Variants in ADCY10 observed in about 807,000 individuals in gnomAD.
ADCY10 encodes the protein adenylate cyclase 10.
ADCY10 carries 156 observed loss-of-function variants against 183.3 expected under a neutral mutation model. The observed-to-expected ratio is 0.85, with a 90% confidence interval of 0.75 to 0.97. The LOEUF (loss-of-function observed/expected upper bound fraction) is 0.97. Among genes scored for constraint, ADCY10 ranks in the 50% least tolerant of loss-of-function variants. The pLI is 0.00. For synonymous variants in ADCY10, 645 were observed against 670.0 expected (o/e 0.96, Z 0.58); for missense variants, 1,745 against 1,934.3 (o/e 0.90, Z 1.84).
chr1:167,881,293 A>G (rs561782370), intron 9 of ADCY10, among the ~76,000 whole-genome samples: 52 of 152,368 alleles, frequency 3.4e-4, no homozygotes, highest in Middle Eastern at 6.8e-3. Flanking sequence ...GACCTCAGTC[A>G]GGTGCTGTTG....
chr1:167,847,973 A>C (rs964960148), intron 19 of ADCY10, among the ~76,000 whole-genome samples: 1 of 152,216 alleles, frequency 6.6e-6, no homozygotes, highest in Non-Finnish European at 1.5e-5. Flanking sequence ...CAAACAACCA[A>C]TGTTGCTGTT....
chr1:167,825,704 A>G (rs1232156399), intron 26 of ADCY10, among the ~76,000 whole-genome samples: 1 of 152,128 alleles, frequency 6.6e-6, no homozygotes, highest in African/African-American at 2.4e-5. Flanking sequence ...TGGGAGGATC[A>G]CTTGAGCAGG....
chr1:167,844,447 A>G (rs2101960338), intron 21 of ADCY10, among the ~76,000 whole-genome samples: 1 of 152,310 alleles, frequency 6.6e-6, no homozygotes, highest in Middle Eastern at 3.4e-3. Flanking sequence ...GTGTCTACGA[A>G]CTTCCTATCT....
intron 13 of ADCY10, among the ~76,000 whole-genome samples, chr1:167,872,907 T>C (rs1044696731): frequency 2.0e-5 from 3 of 151,348 alleles, no homozygotes; most frequent in Non-Finnish European, 4.4e-5. Context: ...CCGTCTCTAC[T>C]AAAAATACAA....
At chr1:167,858,560 T>C (rs1421565127) in intron 16 of ADCY10, among the ~76,000 whole-genome samples, 2 of 144,146 alleles carry the variant, frequency 1.4e-5, no homozygotes, top group African/African-American at 2.6e-5. Context: ...GAAACAGATA[T>C]ATAAGTAATG....
At chr1:167,862,085 G>A (rs150198598) in intron 14 of ADCY10, among the ~76,000 whole-genome samples, 138 of 152,234 alleles carry the variant, frequency 9.1e-4, no homozygotes, top group African/African-American at 3.1e-3. Flanking sequence ...TTATAGCAGC[G>A]TGAAAACGAC....
At chr1:167,909,914 G>T (rs1326498987) in intron 1 of ADCY10, among the ~76,000 whole-genome samples, 1 of 151,930 alleles carries the variant, frequency 6.6e-6, no homozygotes, top group Non-Finnish European at 1.5e-5. Context: ...TGAAGTCAGT[G>T]GCAAGACCAG....
chr1:167,868,510 T>G (rs909128954), intron 14 of ADCY10, among the ~76,000 whole-genome samples: 2 of 152,060 alleles, frequency 1.3e-5, no homozygotes, highest in Non-Finnish European at 2.9e-5. Context: ...ATTCAGTAAA[T>G]TTCCAAAGTT....
At position 167,818,165 on chromosome 1, in the gene ADCY10, T is replaced by A. The variant is rs61745242; in HGVS notation, c.4389A>T (p.Ile1463=). 2,190 of 1,614,190 alleles carry A rather than the reference T, an allele frequency of 1.4e-3. 28 individuals carry two copies. The African/African-American group carries it at 0.026, about 19-fold the overall frequency. ...GAACTTGCCCCTCCATGTACCTAGA[T>A]ATTCCGTCATAGTAAGTAAGTGTCA... ...RTMTLTYYDG[I]SRYMEGQVLH... is the part of the protein sequence containing the mutation. The change falls in exon 31 of 33, where the codon ATA becomes ATT. Residue 1463 remains isoleucine, a synonymous_variant. Transcript: ENST00000367851.
chr1:167,850,113 A>G (rs1208913083), intron 18 of ADCY10, among the ~76,000 whole-genome samples: 1 of 152,192 alleles, frequency 6.6e-6, no homozygotes, highest in African/African-American at 2.4e-5. Flanking sequence ...TGGAAGCAGC[A>G]TATGGAAAAG....
At chr1:167,856,564 G>C (rs1472128543) in intron 16 of ADCY10, 125 bp from the exon 17 acceptor site, 2 of 917,722 alleles carry the variant, frequency 2.2e-6, no homozygotes, top group African/African-American at 3.3e-5. Context: ...AAAGAACTAA[G>C]TTCAATCTTT....
At chr1:167,818,780 C>T (rs1662687686) in intron 30 of ADCY10, among the ~76,000 whole-genome samples, 1 of 152,166 alleles carries the variant, frequency 6.6e-6, no homozygotes, top group Non-Finnish European at 1.5e-5. Flanking sequence ...CTCAGGTGAT[C>T]CACCCGCCTT....
intron 18 of ADCY10, among the ~76,000 whole-genome samples, chr1:167,853,106 G>C (rs1641202371): frequency 6.6e-6 from 1 of 152,136 alleles, no homozygotes; most frequent in South Asian, 2.1e-4. Flanking sequence ...ACCTCATCAT[G>C]ACACTGATCT....
intron 1 of ADCY10, among the ~76,000 whole-genome samples, chr1:167,912,407 C>T (rs1670209277): frequency 6.6e-6 from 1 of 152,186 alleles, no homozygotes; most frequent in Non-Finnish European, 1.5e-5. Flanking sequence ...GGCAACATGG[C>T]CACCTCCACA....
chr1:167,838,224 C>A (rs1451626429), intron 21 of ADCY10, among the ~76,000 whole-genome samples: 1 of 152,248 alleles, frequency 6.6e-6, no homozygotes. Flanking sequence ...CCCGTCAACC[C>A]TGTGCAGACC....
chr1:167,854,664 C>T (rs1254492043), intron 17 of ADCY10, among the ~76,000 whole-genome samples, 175 bp from the exon 18 acceptor site: 2 of 152,076 alleles, frequency 1.3e-5, no homozygotes, highest in South Asian at 2.1e-4. Flanking sequence ...CATGTGTGTA[C>T]ACAATAAGTG....
At position 167,845,575 on chromosome 1, in the gene ADCY10, G is replaced by T. The variant is rs1478891584; in HGVS notation, c.2995C>A (p.His999Asn). The change falls in exon 21 of 33, where the codon CAT (histidine) becomes AAT (asparagine). Residue 999 changes from histidine (H) to asparagine (N), a missense_variant. Coordinates refer to ENST00000367851, the MANE Select transcript of ADCY10 (RefSeq NM_018417.6). The stretch of plus-strand genomic sequence containing the variant: ...TGAAGTAGGTTACTTTTAAATCCAT[G>T]AGACATAGCCATCTTTTTAATGGCA... ...MDAIKKMAMS[H>N]GFKTEEKLIL... 1 of 1,614,000 alleles carries T rather than the reference G, an allele frequency of 6.2e-7. No homozygotes were observed. Among genetic ancestry groups the T allele is most frequent in the Non-Finnish European group, 8.5e-7 (1 of 1,179,984 alleles).
At position 167,846,321 on chromosome 1, in the gene ADCY10, G is replaced by C. The variant is rs574275118; in HGVS notation, c.2438-58C>G. On this transcript the variant is annotated intron_variant, in intron 19 of 32. Transcript: ENST00000367851. ...GTTATTTATCTTTATCTAATATGCT[G>C]TATTTAATATAGAGCAGGTGGACAA... The C allele has an allele frequency of 8.2e-6, 13 of 1,582,356 alleles. No individual in the cohort carries two copies. In the South Asian group the frequency reaches 1.1e-4, roughly 13 times the overall value.
chr1:167,815,969 A>G (rs1662504675), intron 31 of ADCY10, among the ~76,000 whole-genome samples: 1 of 151,914 alleles, frequency 6.6e-6, no homozygotes, highest in Non-Finnish European at 1.5e-5. Flanking sequence ...AAAACTGACA[A>G]GCTAAGAGAG....
Sources: gnomAD v4.1 joint callset for allele counts (sites outside exome capture counted in the v4.1 genomes callset) on GRCh38, gnomAD v4.1.1 for gene constraint, MANE v1.5 for transcripts, NCBI Gene and HGNC (gene_info 2026-07-23, HGNC 2026-07-21) for gene names.